WWOX: variants seen among roughly 807,000 people sequenced by gnomAD.
WWOX encodes the protein WW domain-containing oxidoreductase.
In WWOX, 69 loss-of-function variants were observed where a neutral mutation model predicts 46.2. That is an observed-to-expected ratio of 1.49 (90% CI 1.23 to 1.82). The LOEUF (loss-of-function observed/expected upper bound fraction) is 1.82, where lower values mean the gene tolerates loss of function less well. Ranked by LOEUF, WWOX falls within the 40% of genes most tolerant of loss-of-function variation. WWOX has a pLI of 0.00. For missense variants in WWOX, 919 were observed against 542.6 expected, an observed-to-expected ratio of 1.69 and a Z score of -6.89; for synonymous variants, 359 against 202.6, an observed-to-expected ratio of 1.77 and a Z score of -6.56.
intron 8 of WWOX, among the ~76,000 whole-genome samples, chr16:78,792,839 G>A (rs533697739): frequency 4.4e-4 from 67 of 152,220 alleles, no homozygotes; most frequent in African/African-American, 1.5e-3. Context: ...CCACAGCTCT[G>A]CTCTCTGCTC....
intron 8 of WWOX, among the ~76,000 whole-genome samples, chr16:78,471,172 A>C (rs1167169657): frequency 6.6e-5 from 10 of 152,222 alleles, no homozygotes; most frequent in Non-Finnish European, 1.2e-4. Context: ...CACGTTGCAG[A>C]ACACTGACCA....
In WWOX at chr16:79,079,212, G is replaced by A. The variant is rs191060526; in HGVS notation, c.1057-132396G>A. 3.3e-3 allele frequency among the ~76,000 whole-genome samples: 505 copies of A among 152,174 alleles called. 2 individuals carry two copies. The highest frequency in any genetic ancestry group is 4.4e-3 in the Non-Finnish European group (301 of 67,994). On this transcript the variant is annotated intron_variant, in intron 8 of 8. Coordinates refer to ENST00000566780, the MANE Select transcript of WWOX (RefSeq NM_016373.4). ...ACCACCACCTTTATTTTTAGCATCC[G>A]CGGTCTTAGCAACAGTAGAAGGAAA...
At chr16:78,712,217 G>C (rs1483686668) in intron 8 of WWOX, among the ~76,000 whole-genome samples, 2 of 152,050 alleles carry the variant, frequency 1.3e-5, no homozygotes, top group Non-Finnish European at 2.9e-5. Context: ...AATGCTATAT[G>C]CATTGGCTGG....
chr16:78,252,869 A>G (rs1224880160), intron 5 of WWOX, among the ~76,000 whole-genome samples: 1 of 152,218 alleles, frequency 6.6e-6, no homozygotes, highest in Non-Finnish European at 1.5e-5. Context: ...TGCATTACAA[A>G]TGGCAATAAG....
rs2085271608 is a variant in WWOX at position 78,508,390 on chromosome 16, G to A, written c.1056+75638G>A. On this transcript the variant is annotated intron_variant, in intron 8 of 8. Transcript: ENST00000566780. ...TTAGTGTAGTTTATGCGTGGCCGAA[G>A]ACAATTCTTCCTCCACTGTGGCCCA... is the stretch of plus-strand genomic sequence containing the variant. Among the ~76,000 whole-genome samples the A allele has an allele frequency of 2.8e-5, 4 of 143,956 alleles. No individual in the cohort carries two copies. The South Asian group carries it at 9.1e-4, about 33-fold the overall frequency. The allele number at this position is 143,956 out of a possible 152,430, so 94.4% of individuals were successfully genotyped here.
intron 8 of WWOX, among the ~76,000 whole-genome samples, chr16:78,878,769 A>T (rs2044282875): frequency 6.6e-6 from 1 of 152,006 alleles, no homozygotes; most frequent in African/African-American, 2.4e-5. Context: ...CTTGAAATTT[A>T]CCAGGCCAGG....
chr16:78,285,802 A>G (rs2079756932), intron 5 of WWOX, among the ~76,000 whole-genome samples: 1 of 152,134 alleles, frequency 6.6e-6, no homozygotes, highest in South Asian at 2.1e-4. Context: ...CTTCTTTGTC[A>G]GGCCTGTAAT....
At chr16:78,227,809 G>A (rs62034015) in intron 5 of WWOX, among the ~76,000 whole-genome samples, 13,363 of 152,204 alleles carry the variant, frequency 0.088, 728 homozygotes, top group Admixed American at 0.16. Context: ...CTCGGGAGGC[G>A]GAGGTTGCAG....
chr16:79,022,897 T>TC (rs2151387097), intron 8 of WWOX, among the ~76,000 whole-genome samples: 1 of 152,264 alleles, frequency 6.6e-6, no homozygotes, highest in East Asian at 1.9e-4. Context: ...GTTACTTCTC[T>TC]CCCCTGAGCA....
At chr16:79,028,003 G>C (rs1418798170) in intron 8 of WWOX, among the ~76,000 whole-genome samples, 2 of 151,756 alleles carry the variant, frequency 1.3e-5, no homozygotes, top group East Asian at 1.9e-4. Context: ...CTAGGCTGGA[G>C]TGCAGTGGTG....
At chr16:79,112,789 C>T (rs148165728) in intron 8 of WWOX, among the ~76,000 whole-genome samples, 27 of 152,268 alleles carry the variant, frequency 1.8e-4, no homozygotes, top group South Asian at 4.2e-4. Context: ...TTCGCCGCCT[C>T]GTTTTACAGA....
intron 8 of WWOX, among the ~76,000 whole-genome samples, chr16:79,155,964 C>G (rs185721124): frequency 5.9e-5 from 9 of 151,812 alleles, no homozygotes; most frequent in Admixed American, 5.9e-4. Context: ...GAAGGAAATA[C>G]TTAAAGCACC....
chr16:78,252,161 C>G (rs984044061), intron 5 of WWOX, among the ~76,000 whole-genome samples: 1 of 152,098 alleles, frequency 6.6e-6, no homozygotes, highest in Admixed American at 6.5e-5. Context: ...GCACTTGTCT[C>G]CCACATTGAA....
intron 8 of WWOX, among the ~76,000 whole-genome samples, chr16:78,904,999 G>A (rs1378569809): frequency 6.6e-6 from 1 of 152,048 alleles, no homozygotes; most frequent in Non-Finnish European, 1.5e-5. Context: ...ATCCTATAGT[G>A]TTATTATAAC....
chr16:78,668,231 G>C (rs1296002681), intron 8 of WWOX, among the ~76,000 whole-genome samples: 2 of 152,142 alleles, frequency 1.3e-5, no homozygotes, highest in Non-Finnish European at 2.9e-5. Context: ...AGTCAGCCGA[G>C]ATCTATGCCA....
At chr16:78,765,031 C>G (rs1040217885) in intron 8 of WWOX, among the ~76,000 whole-genome samples, 23 of 152,162 alleles carry the variant, frequency 1.5e-4, no homozygotes, top group Admixed American at 7.9e-4. Context: ...GAACCCAGAT[C>G]CCTGCCCAAC....
intron 5 of WWOX, among the ~76,000 whole-genome samples, chr16:78,342,880 T>C (rs1813434095): frequency 8.3e-6 from 1 of 120,562 alleles, no homozygotes; most frequent in Non-Finnish European, 2.0e-5. Flanking sequence ...AATGATCCCT[T>C]TTGTGCTAGA....
intron 8 of WWOX, chr16:79,204,944 A>T (rs2051459475): frequency 1.3e-5 from 2 of 152,124 alleles, no homozygotes; most frequent in South Asian, 4.1e-4. Context: ...CCACCTCTTA[A>T]AACTTCTTAG....
intron 8 of WWOX, among the ~76,000 whole-genome samples, chr16:78,964,839 C>T (rs1432130993): frequency 2.0e-5 from 3 of 152,222 alleles, no homozygotes; most frequent in African/African-American, 7.2e-5. Flanking sequence ...ACTTGGTGCC[C>T]TGTGTCCCAG....
Sources: allele counts gnomAD v4.1 joint callset (sites outside exome capture counted in the v4.1 genomes callset), GRCh38; gene constraint gnomAD v4.1.1; transcripts MANE v1.5; gene names NCBI Gene and HGNC (gene_info 2026-07-23, HGNC 2026-07-21).